DMPK: variants seen among roughly 807,000 people sequenced by gnomAD.
DMPK encodes myotonin-protein kinase.
Under a neutral mutation model 70.3 loss-of-function variants are expected in DMPK, and 32 were observed. The ratio of observed to expected loss-of-function variants is 0.46; its 90% CI spans 0.34 to 0.61. DMPK has a LOEUF of 0.61. Ranked by LOEUF, DMPK falls within the 20% of genes least tolerant of loss-of-function variation. The pLI is 0.01. For missense variants in DMPK, 899 were observed against 886.0 expected (o/e 1.01, Z -0.19); for synonymous variants, 469 against 390.9 (o/e 1.20, Z -2.36).
At chr19:45,776,779 C>T (rs1281015245) in intron 8 of DMPK, 1 of 152,912 alleles carries the variant, frequency 6.5e-6, no homozygotes, top group African/African-American at 2.4e-5. Context: ...TTTCTTGTAT[C>T]CTGTTGCTTC....
chr19:45,782,172 G>GC, intron 1 of DMPK, 21 bp downstream of exon 1: 1 of 1,369,192 alleles, frequency 7.3e-7, no homozygotes, highest in South Asian at 1.4e-5. Context: ...ATCTGCAGGA[G>GC]CCCCGAGGGT....
At chr19:45,774,799 G>T in intron 9 of DMPK, 150 bp downstream of exon 9, 1 of 595,608 alleles carries the variant, frequency 1.7e-6, no homozygotes. Context: ...AAAATTTAAG[G>T]TCCTCCAACT....
rs181117943 is a variant in DMPK at position 45,774,511 on chromosome 19, C to T, written c.1232+438G>A. On this transcript the variant is annotated intron_variant, in intron 9 of 14. Transcript: ENST00000291270. Reference sequence around the variant, plus strand: ...TCTCCTGACCTCATGATCCACCTGCCTTGGCCTCCCAAAGTGCTAGGATTA... The same window carrying T: ...TCTCCTGACCTCATGATCCACCTGCTTTGGCCTCCCAAAGTGCTAGGATTA... 3.2e-4 allele frequency among the ~76,000 whole-genome samples: 48 copies of T among 152,138 alleles called. 1 individual carries two copies. Among genetic ancestry groups the T allele is most frequent in the Non-Finnish European group, 6.2e-4 (42 of 67,988 alleles).
rs545769272 is a variant in DMPK, at chr19:45,777,578, G to A, written c.895C>T (p.Leu299=). 25 of 1,613,470 alleles carry A rather than the reference G, an allele frequency of 1.5e-5. No individual in the cohort carries two copies. The East Asian group carries it at 5.3e-4, about 35-fold the overall frequency. The change falls in exon 8 of 15, where the codon CTG becomes TTG. Residue 299 remains leucine (L), a synonymous_variant. Transcript: ENST00000291270. The surrounding 1 kb of genome is among the most constrained non-coding windows in gnomAD (Gnocchi z 6.7). ...KIVHYKEHLS[L]PLVDEGVPEE... is the part of the protein sequence containing the mutation. ...GGGACCCCTTCGTCCACCAGCGGCA[G>A]AGAGAGGTGCTCCTGCTCAGAGGGA...
intron 1 of DMPK, chr19:45,780,635 T>C (rs1268105460): frequency 1.0e-6 from 1 of 998,664 alleles, no homozygotes; most frequent in Admixed American, 6.0e-5. Context: ...AGGCCTGGAC[T>C]CCCGGGGGTG....
rs543482651 is a variant in DMPK at position 45,777,303 on chromosome 19, C to T, written c.1146+24G>A. On this transcript the variant is annotated intron_variant, in intron 8 of 14. Transcript: ENST00000291270. The surrounding 1 kb of genome is among the most constrained non-coding windows in gnomAD (Gnocchi z 6.7). The stretch of plus-strand genomic sequence containing the variant: ...GGGAGCATGGGGAGGTTCCCGCAGC[C>T]GAGCAGGGGCCACAGGTACCTACCC... The T allele has an allele frequency of 2.0e-6, 3 of 1,538,104 alleles. No individual in the cohort carries two copies. The highest frequency in any genetic ancestry group is 2.5e-5 in the South Asian group (2 of 79,236).
chr19:45,778,378 C>T (rs959243800), intron 5 of DMPK, 115 bp downstream of exon 5: 56 of 1,428,672 alleles, frequency 3.9e-5, no homozygotes, highest in African/African-American at 3.3e-4. Context: ...AGGCACCCCC[C>T]GGTGGGCCCC....
At chr19:45,780,093 C>T (rs1221061376) in intron 1 of DMPK, 30 of 1,492,154 alleles carry the variant, frequency 2.0e-5, no homozygotes, top group Non-Finnish European at 2.5e-5. Flanking sequence ...CTTTGCGGGA[C>T]AGGGCATTGG....
chr19:45,773,954 AC>A (rs1969623021), intron 9 of DMPK, among the ~76,000 whole-genome samples: 1 of 135,038 alleles, frequency 7.4e-6, no homozygotes, highest in African/African-American at 2.8e-5. Flanking sequence ...GTAAATTAGT[AC>A]TTTTTTTTTT....
chr19:45,779,135 G>T (rs1450448017), intron 4 of DMPK, 129 bp downstream of exon 4: 6 of 919,822 alleles, frequency 6.5e-6, no homozygotes, highest in Non-Finnish European at 8.8e-6. Flanking sequence ...CCCTCTTACC[G>T]CACACAGACT....
Position 45,777,343 on chromosome 19 carries a change from A to G in DMPK, c.1130T>C (p.Met377Thr). 6.3e-7 allele frequency: 1 copy of G among 1,588,934 alleles called. No individual in the cohort carries two copies. The highest frequency in any genetic ancestry group is 8.6e-7 in the Non-Finnish European group (1 of 1,165,600). ...FDLVEDGLTA[M>T]VSGGGETLSD... ...GGTACCTACCCCGCCCCCGCTCACCATGGCAGTGAGCCCGTCCTCCACCAA... is the reference window on the plus strand; with the variant it reads ...GGTACCTACCCCGCCCCCGCTCACCGTGGCAGTGAGCCCGTCCTCCACCAA... The change falls in exon 8 of 15, where the codon ATG becomes ACG. Residue 377 changes from methionine (M) to threonine (T), a missense_variant. Met to Thr is a moderately conservative substitution (Grantham distance 81). Coordinates refer to ENST00000291270, the MANE Select transcript of DMPK (RefSeq NM_004409.5). The surrounding 1 kb of genome is among the most constrained non-coding windows in gnomAD (Gnocchi z 6.7).
chr19:45,774,613 T>C (rs1303711442), intron 9 of DMPK, among the ~76,000 whole-genome samples: 1 of 152,150 alleles, frequency 6.6e-6, no homozygotes, highest in Non-Finnish European at 1.5e-5. Flanking sequence ...TTCAAAGAAT[T>C]TGCATTCTTT....
chr19:45,770,587 A>G lies in DMPK; in HGVS notation c.1791T>C (p.Val597=). ...EALSLLLFAV[V]LSRAAALGCI... ...AGCCCAGGGCGGCGGCACGAGACAG[A>G]ACAACGGCGAACAGGAGCAGGGAAA... The change falls in exon 15 of 15, where the codon GTT becomes GTC. Residue 597 remains valine (V), a synonymous_variant. Transcript: ENST00000291270. 1 of 1,552,446 alleles carries G rather than the reference A, an allele frequency of 6.4e-7. No individual in the cohort carries two copies. Among genetic ancestry groups the G allele is most frequent in the Non-Finnish European group, 8.7e-7 (1 of 1,147,948 alleles).
At chr19:45,773,312 C>T (rs760386570) in intron 9 of DMPK, among the ~76,000 whole-genome samples, 2 of 152,218 alleles carry the variant, frequency 1.3e-5, no homozygotes, top group Admixed American at 6.5e-5. Flanking sequence ...CCTGGACATG[C>T]GCCTGGGTTC....
chr19:45,782,454 A>G lies in DMPK; in HGVS notation c.-102T>C. On this transcript the variant is annotated 5_prime_UTR_variant, in exon 1 of 15. The change abolishes an upstream ATG in the 5' untranslated region. Coordinates refer to ENST00000291270, the MANE Select transcript of DMPK (RefSeq NM_004409.5). The stretch of plus-strand genomic sequence containing the variant: ...GTCCAGGCCCTGGAGCCCTGGCTGC[A>G]TGTCTGCCTGTCCCTGGCTGTCCCC... 2 of 1,318,654 alleles carry G rather than the reference A, an allele frequency of 1.5e-6. No individual in the cohort carries two copies. Among genetic ancestry groups the G allele is most frequent in the Non-Finnish European group, 2.0e-6 (2 of 998,002 alleles). The allele number at this position is 1,318,654 out of a possible 1,614,324, so 81.7% of individuals were successfully genotyped here.
At position 45,770,379 on chromosome 19, in the gene DMPK, C is replaced by A; in HGVS notation, c.*109G>T. 2 of 1,389,316 alleles carry A rather than the reference C, an allele frequency of 1.4e-6. No homozygotes were observed. The highest frequency in any genetic ancestry group is 2.0e-6 in the Non-Finnish European group (2 of 1,004,162). 86.1% of individuals were successfully genotyped at this position (1,389,316 alleles called of 1,614,324 possible). On this transcript the variant is annotated 3_prime_UTR_variant, in exon 15 of 15. Transcript: ENST00000291270. Reference sequence around the variant, plus strand: ...CACAGGACTGGAGCTGGGCGGAGACCCACGCTCGGAGCGGTTGTGAACTGG... The same window carrying A: ...CACAGGACTGGAGCTGGGCGGAGACACACGCTCGGAGCGGTTGTGAACTGG...
At position 45,779,772 on chromosome 19, in the gene DMPK, G is replaced by A. The variant is rs1970013377; in HGVS notation, c.252+6C>T. 1 of 1,553,048 alleles carries A rather than the reference G, an allele frequency of 6.4e-7. No individual in the cohort carries two copies. Reference sequence around the variant, plus strand: ...TCAAGTCAGGCTCCCGCCCGGTTCGGCTTACCTCGCTGAACGCCCCGCGTC... The same window carrying A: ...TCAAGTCAGGCTCCCGCCCGGTTCGACTTACCTCGCTGAACGCCCCGCGTC... On this transcript the variant is annotated splice_donor_region_variant and intron_variant, in intron 2 of 14. Transcript: ENST00000291270.
At position 45,777,065 on chromosome 19, in the gene DMPK, G is replaced by A. The variant is rs1969812140; in HGVS notation, c.1146+262C>T. The A allele has an allele frequency of 6.7e-6, 3 of 449,174 alleles. No individual in the cohort carries two copies. The highest frequency in any genetic ancestry group is 3.8e-6 in the Non-Finnish European group (1 of 261,234). The allele number at this position is 449,174 out of a possible 1,614,324, so 27.8% of individuals were successfully genotyped here. The stretch of plus-strand genomic sequence containing the variant: ...AGCCCTCCAGGACCTTCCTTGCTGA[G>A]TCAGGAGTCCCCCACCCCCTGCACT... On this transcript the variant is annotated intron_variant, in intron 8 of 14. Coordinates refer to ENST00000291270, the MANE Select transcript of DMPK (RefSeq NM_004409.5). This position sits in a 1 kb window ranked among gnomAD's most constrained non-coding sequence, Gnocchi z 6.7.
At chr19:45,781,373 G>C (rs967673357) in intron 1 of DMPK, among the ~76,000 whole-genome samples, 4 of 152,102 alleles carry the variant, frequency 2.6e-5, no homozygotes, top group Admixed American at 6.5e-5. Context: ...CCTCCTTCCA[G>C]CCCTGGCCCC....
Sources: allele counts gnomAD v4.1 joint callset (sites outside exome capture counted in the v4.1 genomes callset), GRCh38; gene constraint gnomAD v4.1.1; non-coding constraint Gnocchi (gnomAD v3.1); transcripts MANE v1.5; gene names NCBI Gene and HGNC (gene_info 2026-07-23, HGNC 2026-07-21).